Variants in PLCE1 observed in about 807,000 individuals in gnomAD.
The protein encoded by PLCE1 is phospholipase C epsilon 1, also known as 1-phosphatidylinositol 4,5-bisphosphate phosphodiesterase epsilon-1.
A neutral mutation model predicts 242.8 loss-of-function variants in PLCE1; 119 were observed. The observed-to-expected ratio is 0.49, with a 90% CI of 0.42 to 0.57. The LOEUF is 0.57. Ranked by LOEUF, PLCE1 falls within the 20% of genes least tolerant of loss-of-function variation. PLCE1 has a pLI of 0.00. For synonymous variants in PLCE1, 945 were observed against 1,017.4 expected (o/e 0.93, Z 1.35); for missense variants, 2,441 against 2,788.8 (o/e 0.88, Z 2.81).
Position 94,306,405 on chromosome 10 carries a change from C to T in PLCE1, c.5623-22C>T. 6.2e-7 allele frequency: 1 copy of T among 1,614,050 alleles called. No homozygotes were observed. The highest frequency in any genetic ancestry group is 1.1e-5 in the South Asian group (1 of 91,080). ...TTTTTTATCCTCGGTGACTTTGATCCCTTTTGTCTCCCTCACCCTAGATTG... is the reference window on the plus strand; with the variant it reads ...TTTTTTATCCTCGGTGACTTTGATCTCTTTTGTCTCCCTCACCCTAGATTG... On this transcript the variant is annotated intron_variant, in intron 25 of 32. Transcript: ENST00000371380. This position sits in a 1 kb window ranked among gnomAD's most constrained non-coding sequence, Gnocchi z 5.7.
At chr10:94,153,418 C>T (rs2136133634) in intron 3 of PLCE1, among the ~76,000 whole-genome samples, 1 of 152,182 alleles carries the variant, frequency 6.6e-6, no homozygotes, top group Non-Finnish European at 1.5e-5. Context: ...AAAGGAACTT[C>T]CCCAACCTGA....
At chr10:94,136,646 G>A (rs1241589949) in intron 3 of PLCE1, among the ~76,000 whole-genome samples, 1 of 152,174 alleles carries the variant, frequency 6.6e-6, no homozygotes, top group Non-Finnish European at 1.5e-5. Context: ...CCAGAATTCT[G>A]CAGCCTTGGG....
At chr10:94,266,975 A>G (rs542121440) in intron 16 of PLCE1, among the ~76,000 whole-genome samples, 72 of 152,314 alleles carry the variant, frequency 4.7e-4, no homozygotes, top group Non-Finnish European at 2.4e-4. Flanking sequence ...GAAGCCAGAG[A>G]GTAGGAGGGG....
intron 22 of PLCE1, among the ~76,000 whole-genome samples, chr10:94,288,233 C>G (rs903929447): frequency 1.3e-5 from 2 of 152,148 alleles, no homozygotes; most frequent in East Asian, 3.9e-4. Flanking sequence ...ACCTCCCTCC[C>G]ACTCTCATTC....
At chr10:94,192,549 T>C (rs1301695906) in intron 4 of PLCE1, among the ~76,000 whole-genome samples, 1 of 152,226 alleles carries the variant, frequency 6.6e-6, no homozygotes, top group Non-Finnish European at 1.5e-5. Context: ...CTGTGTAGTA[T>C]TCCATGGTAT....
chr10:94,152,813 A>G (rs1037269557), intron 3 of PLCE1, among the ~76,000 whole-genome samples: 21 of 152,152 alleles, frequency 1.4e-4, no homozygotes, highest in Non-Finnish European at 2.9e-5. Context: ...TTCCAAGTCC[A>G]TATGTGTTTT....
At chr10:94,048,800 C>T (rs768295351) in intron 2 of PLCE1, among the ~76,000 whole-genome samples, 1 of 150,970 alleles carries the variant, frequency 6.6e-6, no homozygotes, top group Admixed American at 6.6e-5. Context: ...CAGAGTCTTA[C>T]TCTGTCACCC....
intron 2 of PLCE1, among the ~76,000 whole-genome samples, chr10:94,093,262 A>G (rs549943910): frequency 2.0e-5 from 3 of 152,214 alleles, no homozygotes; most frequent in African/African-American, 7.2e-5. Flanking sequence ...AAAATATAAT[A>G]AATCAAATAA....
chr10:94,170,313 A>G (rs1427681693), intron 3 of PLCE1, among the ~76,000 whole-genome samples: 1 of 152,192 alleles, frequency 6.6e-6, no homozygotes, highest in Non-Finnish European at 1.5e-5. Context: ...TCTAGGGCTC[A>G]TCAGAGACTT....
chr10:94,035,224 A>G (rs2061640332), intron 2 of PLCE1, among the ~76,000 whole-genome samples: 1 of 152,238 alleles, frequency 6.6e-6, no homozygotes. Context: ...AAATTTAAAT[A>G]TAGCAAAGTG....
chr10:94,107,949 C>T (rs879383878), intron 2 of PLCE1: 30 of 152,088 alleles, frequency 2.0e-4, no homozygotes, highest in Non-Finnish European at 3.7e-4. Flanking sequence ...TTGTTTGACT[C>T]CACTATTCCA....
chr10:94,304,689 C>G, intron 25 of PLCE1, 44 bp downstream of exon 25: 1 of 1,595,712 alleles, frequency 6.3e-7, no homozygotes, highest in Non-Finnish European at 8.6e-7. Flanking sequence ...CGGGTTTAAG[C>G]CTTCCTGAAA....
chr10:94,290,414 AT>A (rs576794025), intron 22 of PLCE1, among the ~76,000 whole-genome samples: 99 of 148,198 alleles, frequency 6.7e-4, no homozygotes, highest in African/African-American at 2.2e-3. Context: ...TCTATTTTTA[AT>A]TTTTTTTACT....
intron 2 of PLCE1, among the ~76,000 whole-genome samples, chr10:94,069,313 C>T (rs376627825): frequency 3.9e-5 from 6 of 152,208 alleles, no homozygotes; most frequent in South Asian, 2.1e-4. Context: ...GAAACTCTAC[C>T]GAGGGACCAG....
Position 94,269,037 on chromosome 10 carries a change from G to T in PLCE1, c.4389+1G>T. On this transcript the variant is annotated splice_donor_variant, in intron 17 of 32. Transcript: ENST00000371380. LOFTEE classifies it high-confidence loss of function. ...GCTGACAACCAAGATCCCCTTCAAG[G>T]TAATCCTTCATAACTTTCTTTAAAT... The T allele has an allele frequency of 6.8e-7, 1 of 1,478,926 alleles. No individual in the cohort carries two copies. The highest frequency in any genetic ancestry group is 9.4e-7 in the Non-Finnish European group (1 of 1,061,308). 91.6% of individuals were successfully genotyped at this position (1,478,926 alleles called of 1,614,324 possible).
chr10:94,175,300 G>T (rs758377260), intron 4 of PLCE1, among the ~76,000 whole-genome samples: 1 of 151,988 alleles, frequency 6.6e-6, no homozygotes, highest in Non-Finnish European at 1.5e-5. Context: ...TCTCCTGTGT[G>T]TCTATCTTTT....
chr10:94,318,791 T>G (rs773408538), intron 29 of PLCE1, among the ~76,000 whole-genome samples: 7 of 152,254 alleles, frequency 4.6e-5, no homozygotes, highest in Non-Finnish European at 1.0e-4. Context: ...CTGGGCACGG[T>G]GGCTCACACC....
rs185157193 is a variant in PLCE1 at position 94,008,268 on chromosome 10, A to G, written c.-365+14010A>G. 5.9e-5 allele frequency among the ~76,000 whole-genome samples: 9 copies of G among 151,816 alleles called. No individual in the cohort carries two copies. The East Asian group carries it at 1.7e-3, about 29-fold the overall frequency. ...TAAATTTATCTAGATCTAAGTCACA[A>G]AAACAATAAAACCTGCTTTCTGGGT... is the stretch of plus-strand genomic sequence containing the variant. On this transcript the variant is annotated intron_variant, in intron 1 of 32. Transcript: ENST00000371380.
chr10:94,275,679 T>C (rs2051923558), intron 19 of PLCE1, among the ~76,000 whole-genome samples: 1 of 151,968 alleles, frequency 6.6e-6, no homozygotes, highest in African/African-American at 2.4e-5. Context: ...CTACACAAAA[T>C]ATAAAAATTA....
Sources: allele counts gnomAD v4.1 joint callset (sites outside exome capture counted in the v4.1 genomes callset), GRCh38; gene constraint gnomAD v4.1.1; non-coding constraint Gnocchi (gnomAD v3.1); transcripts MANE v1.5; gene names NCBI Gene and HGNC (gene_info 2026-07-23, HGNC 2026-07-21).